Variants in GHR observed in about 807,000 individuals in gnomAD.
The protein encoded by GHR is growth hormone receptor, also known as GH receptor.
A neutral mutation model predicts 67.1 loss-of-function variants in GHR; 35 were observed. That is an observed-to-expected ratio of 0.52 (90% confidence interval 0.40 to 0.69). GHR has a LOEUF of 0.69. GHR is among the 30% of genes least tolerant of loss of function. The pLI, the probability that GHR is intolerant of heterozygous loss-of-function variation, is 0.00. For synonymous variants in GHR, 272 were observed against 269.1 expected, an observed-to-expected ratio of 1.01 and a Z score of -0.10; for missense variants, 792 against 764.6, an observed-to-expected ratio of 1.04 and a Z score of -0.42.
At chr5:42,553,778 T>C (rs1749162305) in intron 1 of GHR, among the ~76,000 whole-genome samples, 1 of 152,226 alleles carries the variant, frequency 6.6e-6, no homozygotes, top group Non-Finnish European at 1.5e-5. Context: ...AATATTGTCG[T>C]TGAGTGATCA....
Position 42,681,732 on chromosome 5 carries a change from C to A in GHR, c.137-7158C>A, listed in dbSNP as rs113029154. On this transcript the variant is annotated intron_variant, in intron 3 of 9. Transcript: ENST00000230882. ...CAGGCAGATCACAAGTTCAGGAGATCGAGACCATCCTGGCTAACATGGTGA... is the reference window on the plus strand; with the variant it reads ...CAGGCAGATCACAAGTTCAGGAGATAGAGACCATCCTGGCTAACATGGTGA... Among the ~76,000 whole-genome samples the A allele has an allele frequency of 8.7e-3, 1,322 of 151,996 alleles. 14 individuals carry two copies. Among genetic ancestry groups the A allele is most frequent in the Middle Eastern group, 0.024 (7 of 292 alleles).
At chr5:42,558,890 A>G (rs1358395410) in intron 1 of GHR, among the ~76,000 whole-genome samples, 1 of 152,256 alleles carries the variant, frequency 6.6e-6, no homozygotes, top group Non-Finnish European at 1.5e-5. Context: ...AGCAGTTAAA[A>G]ATATGATTTC....
At chr5:42,545,038 A>G (rs2112392347) in intron 1 of GHR, among the ~76,000 whole-genome samples, 1 of 152,270 alleles carries the variant, frequency 6.6e-6, no homozygotes, top group Non-Finnish European at 1.5e-5. Context: ...CTGTTCTACT[A>G]TGCCCAGCCA....
At chr5:42,650,591 ATATATATATATG>A (rs1460843471) in intron 3 of GHR, among the ~76,000 whole-genome samples, 3 of 146,878 alleles carry the variant, frequency 2.0e-5, no homozygotes, top group African/African-American at 5.0e-5. Flanking sequence ...ATATATATAT[ATATATATATATG>A]TATGTCTATG....
chr5:42,610,700 G>A (rs1374659262), intron 2 of GHR, among the ~76,000 whole-genome samples: 1 of 152,122 alleles, frequency 6.6e-6, no homozygotes, highest in Non-Finnish European at 1.5e-5. Context: ...TGAGAAAAGG[G>A]AAAGAGAGAA....
Position 42,459,923 on chromosome 5 carries a change from G to A in GHR, c.-12+35968G>A, listed in dbSNP as rs530238310. Among the ~76,000 whole-genome samples the A allele has an allele frequency of 2.6e-5, 4 of 152,236 alleles. No individual in the cohort carries two copies. The South Asian group carries it at 8.3e-4, about 32-fold the overall frequency. ...TTGGCTCTTATCATTTTTTAGCCAC[G>A]TGTCATGGACTCAATGTTTTTGTCT... On this transcript the variant is annotated intron_variant, in intron 1 of 9. Transcript: ENST00000230882.
chr5:42,684,121 A>G (rs1554036514), intron 3 of GHR, among the ~76,000 whole-genome samples: 1 of 152,216 alleles, frequency 6.6e-6, no homozygotes, highest in Non-Finnish European at 1.5e-5. Context: ...TTGTTGTTTC[A>G]ATTCAAATGC....
At chr5:42,478,677 T>A (rs1425787117) in intron 1 of GHR, among the ~76,000 whole-genome samples, 3 of 152,204 alleles carry the variant, frequency 2.0e-5, no homozygotes, top group African/African-American at 7.2e-5. Flanking sequence ...ATGATTTGGC[T>A]CTCTGTTTGT....
intron 1 of GHR, among the ~76,000 whole-genome samples, chr5:42,433,732 A>ATTTTTTTTTTT (rs35539827): frequency 1.3e-5 from 1 of 77,584 alleles, no homozygotes; most frequent in Non-Finnish European, 2.4e-5. Context: ...AAGATATGGT[A>ATTTTTTTTTTT]TTTTTTTTTT....
chr5:42,447,669 CTTG>C lies in GHR; in HGVS notation c.-12+23717_-12+23719del, dbSNP rs1743864657. ...CCTTCCTTCCTTCTTTTCTTCTTTC[CTTG>C]TTTTCTCCCTCCCTCCCTCCCTCCC... On this transcript the variant is annotated intron_variant, in intron 1 of 9. Coordinates refer to ENST00000230882, the MANE Select transcript of GHR (RefSeq NM_000163.5). Among the ~76,000 whole-genome samples, 4 of 148,438 alleles carry C rather than the reference CTTG, an allele frequency of 2.7e-5. No individual in the cohort carries two copies. In the South Asian group the frequency reaches 8.7e-4, roughly 32 times the overall value.
intron 2 of GHR, among the ~76,000 whole-genome samples, chr5:42,609,837 C>T (rs192527540): frequency 3.5e-4 from 53 of 152,200 alleles, no homozygotes; most frequent in African/African-American, 1.3e-3. Context: ...ACAACCTTAC[C>T]ATCTGTGTCC....
At chr5:42,470,085 CAT>C (rs397882091) in intron 1 of GHR, among the ~76,000 whole-genome samples, 10 of 138,160 alleles carry the variant, frequency 7.2e-5, no homozygotes, top group African/African-American at 1.6e-4. Flanking sequence ...ATGTAAATAA[CAT>C]ATTATATTAT....
At chr5:42,589,423 A>C (rs1193275115) in intron 2 of GHR, among the ~76,000 whole-genome samples, 3 of 152,198 alleles carry the variant, frequency 2.0e-5, no homozygotes, top group East Asian at 3.9e-4. Context: ...AAGAAGAAGA[A>C]AATTCTGTAA....
At chr5:42,653,071 C>A (rs1448795686) in intron 3 of GHR, among the ~76,000 whole-genome samples, 1 of 152,052 alleles carries the variant, frequency 6.6e-6, no homozygotes, top group Non-Finnish European at 1.5e-5. Flanking sequence ...TTGAGCAAGA[C>A]CATATACTAA....
intron 1 of GHR, chr5:42,467,917 T>A (rs975949128): frequency 2.7e-6 from 2 of 740,048 alleles, no homozygotes; most frequent in African/African-American, 1.8e-5. Flanking sequence ...AGCTTTCAGG[T>A]AAGTGACAGT....
At chr5:42,506,911 G>A (rs2112250852) in intron 1 of GHR, among the ~76,000 whole-genome samples, 1 of 152,260 alleles carries the variant, frequency 6.6e-6, no homozygotes, top group Middle Eastern at 3.4e-3. Flanking sequence ...AAAATTAACA[G>A]CAGTATTCTT....
intron 1 of GHR, chr5:42,548,520 C>G: frequency 1.0e-6 from 1 of 980,186 alleles, no homozygotes; most frequent in Non-Finnish European, 1.2e-6. Context: ...CAATATCTGC[C>G]GGACTATTGG....
chr5:42,471,883 T>A (rs1461792098), intron 1 of GHR, among the ~76,000 whole-genome samples: 1 of 152,112 alleles, frequency 6.6e-6, no homozygotes, highest in Non-Finnish European at 1.5e-5. Flanking sequence ...TTAAGGGTGA[T>A]GTGGGGAGAA....
chr5:42,514,331 T>A, intron 1 of GHR: 1 of 898,278 alleles, frequency 1.1e-6, no homozygotes, highest in Non-Finnish European at 1.3e-6. Context: ...TCACCCCTTG[T>A]TGAGATCTCC....
Sources: gnomAD v4.1 joint callset for allele counts (sites outside exome capture counted in the v4.1 genomes callset) on GRCh38, gnomAD v4.1.1 for gene constraint, MANE v1.5 for transcripts, NCBI Gene and HGNC (gene_info 2026-07-23, HGNC 2026-07-21) for gene names.